The following DENND1A variants were observed in gnomAD, a reference collection of about 807,000 sequenced individuals.
DENND1A encodes DENN domain-containing protein 1A.
Under a neutral mutation model 113.7 loss-of-function variants are expected in DENND1A, and 51 were observed. The ratio of observed to expected loss-of-function variants is 0.45; its 90% CI spans 0.36 to 0.57. The LOEUF is 0.57. DENND1A is among the 20% of genes least tolerant of loss of function. The probability of loss-of-function intolerance (pLI) is 0.00; values close to 1 mark genes in which losing one functional copy is unlikely to be tolerated. For synonymous variants in DENND1A, 565 were observed against 570.8 expected, an observed-to-expected ratio of 0.99 and a Z score of 0.14; for missense variants, 1,258 against 1,395.9, an observed-to-expected ratio of 0.90 and a Z score of 1.57.
intron 13 of DENND1A, among the ~76,000 whole-genome samples, chr9:123,493,775 G>C (rs969242214): frequency 2.6e-5 from 4 of 152,184 alleles, no homozygotes; most frequent in Non-Finnish European, 4.4e-5. Context: ...CAGGGACTAC[G>C]AGTGGAGGCT....
chr9:123,614,804 C>T (rs1003596412), intron 10 of DENND1A, among the ~76,000 whole-genome samples: 1 of 152,168 alleles, frequency 6.6e-6, no homozygotes, highest in Non-Finnish European at 1.5e-5. Flanking sequence ...CTCAGAGGGC[C>T]ACCACCTTCT....
At chr9:123,442,907 G>T (rs1285266865) in intron 18 of DENND1A, among the ~76,000 whole-genome samples, 1 of 152,158 alleles carries the variant, frequency 6.6e-6, no homozygotes, top group East Asian at 1.9e-4. Flanking sequence ...ATAGGAGGAA[G>T]CTTTGAAAAA....
intron 8 of DENND1A, among the ~76,000 whole-genome samples, chr9:123,656,588 C>G (rs2062959241): frequency 6.6e-6 from 1 of 152,136 alleles, no homozygotes; most frequent in South Asian, 2.1e-4. Flanking sequence ...TACTATGCAC[C>G]ATACTAGTCT....
intron 13 of DENND1A, among the ~76,000 whole-genome samples, chr9:123,530,465 G>T (rs906871542): frequency 1.5e-4 from 23 of 152,238 alleles, no homozygotes; most frequent in African/African-American, 5.3e-4. Flanking sequence ...TCCTTCAGGC[G>T]TCATAGCAAA....
At chr9:123,778,833 C>A (rs754785142) in intron 3 of DENND1A, among the ~76,000 whole-genome samples, 13 of 152,158 alleles carry the variant, frequency 8.5e-5, no homozygotes, top group Non-Finnish European at 1.6e-4. Context: ...AACCCAAATT[C>A]AGAAATCCTA....
At chr9:123,766,812 T>C (rs1372204394) in intron 4 of DENND1A, among the ~76,000 whole-genome samples, 2 of 152,232 alleles carry the variant, frequency 1.3e-5, no homozygotes, top group East Asian at 3.8e-4. Flanking sequence ...TCCTAAGTCC[T>C]AGTTTGAAAA....
At chr9:123,388,364 A>G (rs1230649061) in intron 21 of DENND1A, among the ~76,000 whole-genome samples, 3 of 152,258 alleles carry the variant, frequency 2.0e-5, no homozygotes, top group African/African-American at 4.8e-5. Context: ...CTAAACGTCA[A>G]TAACAGCCAG....
At chr9:123,905,357 T>C (rs968098017) in intron 1 of DENND1A, among the ~76,000 whole-genome samples, 1 of 148,278 alleles carries the variant, frequency 6.7e-6, no homozygotes, top group African/African-American at 2.6e-5. Context: ...CATATAACAA[T>C]ATTAACTTTA....
intron 1 of DENND1A, among the ~76,000 whole-genome samples, chr9:123,904,525 G>T (rs1852387548): frequency 7.0e-6 from 1 of 143,524 alleles, no homozygotes; most frequent in Admixed American, 6.8e-5. Flanking sequence ...GTGCTTAAAG[G>T]AGCTGATGGA....
rs1190637786 is a variant in DENND1A, at chr9:123,381,617, G to C, written c.3028C>G (p.Leu1010Val). ...GLALRPGDPP[L>V]LPPRPPQGLE... ...CCTTGAGGGGGCCTGGGAGGCAGAAGCGGGGGGTCTCCAGGCCTCAGGGCC... is the reference window on the plus strand; with the variant it reads ...CCTTGAGGGGGCCTGGGAGGCAGAACCGGGGGGTCTCCAGGCCTCAGGGCC... Residue 1010 changes from leucine to valine, a missense_variant, in exon 24 of 24, where the codon CTT (leucine) becomes GTT (valine). Physicochemically the swap from Leu to Val is conservative, Grantham distance 32. This residue lies in a region of DENND1A where 1,159 missense variants were observed against 1,231.7 expected (regional missense o/e 0.94). Coordinates refer to ENST00000394215, the MANE Select transcript of DENND1A (RefSeq NM_001352964.2). This position sits in a 1 kb window ranked among gnomAD's most constrained non-coding sequence, Gnocchi z 4.7. 1 of 1,612,558 alleles carries C rather than the reference G, an allele frequency of 6.2e-7. No individual in the cohort carries two copies. The highest frequency in any genetic ancestry group is 8.5e-7 in the Non-Finnish European group (1 of 1,179,696).
intron 12 of DENND1A, among the ~76,000 whole-genome samples, chr9:123,574,694 C>T (rs2058541558): frequency 6.6e-6 from 1 of 152,162 alleles, no homozygotes; most frequent in Non-Finnish European, 1.5e-5. Flanking sequence ...GGCAAAGCCT[C>T]TTCCTCATCC....
intron 19 of DENND1A, among the ~76,000 whole-genome samples, chr9:123,417,475 G>A (rs915683479): frequency 6.6e-6 from 1 of 152,218 alleles, no homozygotes; most frequent in African/African-American, 2.4e-5. Flanking sequence ...GAAACAGGAG[G>A]CCCAGAGAGG....
At chr9:123,782,162 T>G (rs982855678) in intron 3 of DENND1A, among the ~76,000 whole-genome samples, 6 of 152,188 alleles carry the variant, frequency 3.9e-5, no homozygotes, top group African/African-American at 1.4e-4. Flanking sequence ...TAAAAAGTAT[T>G]TCTAGCTGCC....
chr9:123,566,759 G>A (rs2058073629), intron 12 of DENND1A, among the ~76,000 whole-genome samples: 1 of 152,116 alleles, frequency 6.6e-6, no homozygotes, highest in Admixed American at 6.5e-5. Context: ...ATTAATCTGA[G>A]TATCTCACCA....
At chr9:123,513,029 G>C (rs1448086570) in intron 13 of DENND1A, among the ~76,000 whole-genome samples, 3 of 152,200 alleles carry the variant, frequency 2.0e-5, no homozygotes, top group Non-Finnish European at 4.4e-5. Flanking sequence ...ATAACCTGTA[G>C]CTCTTCTCTG....
chr9:123,625,470 A>T (rs377331819), intron 10 of DENND1A, among the ~76,000 whole-genome samples: 1 of 152,222 alleles, frequency 6.6e-6, no homozygotes, highest in Admixed American at 6.5e-5. Flanking sequence ...TGGGCCACAC[A>T]TGGTAGCTCA....
intron 13 of DENND1A, among the ~76,000 whole-genome samples, chr9:123,480,423 T>C (rs1389124380): frequency 6.6e-6 from 1 of 152,204 alleles, no homozygotes; most frequent in African/African-American, 2.4e-5. Flanking sequence ...ACCAGAAGTC[T>C]CAATCATTGC....
At chr9:123,448,685 C>T (rs1257003707) in intron 18 of DENND1A, among the ~76,000 whole-genome samples, 2 of 152,218 alleles carry the variant, frequency 1.3e-5, no homozygotes. Flanking sequence ...AAACAGACTA[C>T]AGTTTAAGGT....
chr9:123,613,018 T>C (rs576041747), intron 10 of DENND1A, among the ~76,000 whole-genome samples: 32 of 152,282 alleles, frequency 2.1e-4, no homozygotes, highest in South Asian at 1.2e-3. Context: ...CGCTCTAGGA[T>C]ACCTGGTAAA....
Sources: gnomAD v4.1 joint callset for allele counts (sites outside exome capture counted in the v4.1 genomes callset) on GRCh38, gnomAD v4.1.1 for gene constraint, gnomAD v4.1.1 regional missense constraint, Gnocchi (gnomAD v3.1) non-coding constraint, MANE v1.5 for transcripts, NCBI Gene and HGNC (gene_info 2026-07-23, HGNC 2026-07-21) for gene names.